Variants in GNPDA2 observed in about 807,000 individuals in gnomAD.
The protein encoded by GNPDA2 is glucosamine-6-phosphate deaminase 2.
GNPDA2 carries 24 observed loss-of-function variants against 27.0 expected under a neutral mutation model. That is an observed-to-expected ratio of 0.89 (90% CI 0.64 to 1.25). GNPDA2 has a LOEUF of 1.25. GNPDA2 is among the 50% of genes most tolerant of loss of function. The probability of loss-of-function intolerance (pLI) is 0.00; values close to 1 mark genes in which losing one functional copy is unlikely to be tolerated. For synonymous variants in GNPDA2, 94 were observed against 108.4 expected (o/e 0.87, Z 0.83); for missense variants, 286 against 335.1 (o/e 0.85, Z 1.14).
intron 1 of GNPDA2, among the ~76,000 whole-genome samples, chr4:44,725,208 T>C (rs1016702923): frequency 1.3e-5 from 2 of 152,198 alleles, no homozygotes; most frequent in African/African-American, 2.4e-5. Flanking sequence ...GGGCTTAGAA[T>C]CACTTGTCTC....
chr4:44,709,551 T>C (rs1185420602), intron 5 of GNPDA2, among the ~76,000 whole-genome samples: 1 of 152,150 alleles, frequency 6.6e-6, no homozygotes, highest in African/African-American at 2.4e-5. Flanking sequence ...CAGGCAGATG[T>C]TGCATTGATA....
chr4:44,710,837 A>G (rs1716927682), intron 5 of GNPDA2, 116 bp downstream of exon 5: 2 of 894,346 alleles, frequency 2.2e-6, no homozygotes, highest in South Asian at 4.5e-5. Context: ...ACTAGAAAAC[A>G]ATTTATACTG....
At chr4:44,715,279 A>G (rs774879708) in intron 4 of GNPDA2, among the ~76,000 whole-genome samples, 4 of 152,182 alleles carry the variant, frequency 2.6e-5, no homozygotes, top group African/African-American at 4.8e-5. Flanking sequence ...AAGTGTTCTT[A>G]TCAGTGTTAT....
Position 44,711,157 on chromosome 4 carries a change from T to C in GNPDA2, c.410-20A>G, listed in dbSNP as rs1352737995. 6 of 1,478,146 alleles carry C rather than the reference T, an allele frequency of 4.1e-6. No homozygotes were observed. Among genetic ancestry groups the C allele is most frequent in the Non-Finnish European group, 5.4e-6 (6 of 1,105,260 alleles). The allele number at this position is 1,478,146 out of a possible 1,614,324, so 91.6% of individuals were successfully genotyped here. A position where few individuals can be genotyped will look rare whatever the true frequency, so the allele number is the denominator to read the frequency against. Reference sequence around the variant, plus strand: ...CAATTCCTTTCAAAAGAAATATACATACATATACACATGAAGTAAATAGGT... The same window carrying C: ...CAATTCCTTTCAAAAGAAATATACACACATATACACATGAAGTAAATAGGT... On this transcript the variant is annotated intron_variant, in intron 4 of 6. Transcript: ENST00000295448.
Position 44,718,412 on chromosome 4 carries a change from TAA to T in GNPDA2, c.125-4_125-3del. ...TATAGCATCCTAAAGGTGTACTCCC[TAA>T]AAGACATAAAAATTCCATTTTCTAA... is the stretch of plus-strand genomic sequence containing the variant. On this transcript the variant is annotated splice_polypyrimidine_tract_variant and splice_region_variant and intron_variant, in intron 2 of 6. Coordinates refer to ENST00000295448, the MANE Select transcript of GNPDA2 (RefSeq NM_138335.3). 9.2e-7 allele frequency: 1 copy of T among 1,087,374 alleles called. No individual in the cohort carries two copies. The highest frequency in any genetic ancestry group is 1.3e-6 in the Non-Finnish European group (1 of 771,056). 67.4% of individuals were successfully genotyped at this position (1,087,374 alleles called of 1,614,324 possible).
At chr4:44,717,044 A>AT in intron 4 of GNPDA2, 69 bp downstream of exon 4, 1 of 1,142,468 alleles carries the variant, frequency 8.8e-7, no homozygotes, top group Non-Finnish European at 1.3e-6. Context: ...GGGAAGATTT[A>AT]TTTTTTAAAT....
chr4:44,725,940 G>A (rs546948479), intron 1 of GNPDA2, among the ~76,000 whole-genome samples: 1 of 150,916 alleles, frequency 6.6e-6, no homozygotes, highest in South Asian at 2.1e-4. Flanking sequence ...AGTTAATGGC[G>A]GGGCCAAGAC....
intron 1 of GNPDA2, among the ~76,000 whole-genome samples, chr4:44,725,766 C>CG: frequency 6.6e-6 from 1 of 151,804 alleles, no homozygotes; most frequent in South Asian, 2.1e-4. Context: ...TCTCTGGCAT[C>CG]ACAAGACAGC....
At chr4:44,705,769 C>A (rs1716562278) in intron 6 of GNPDA2, 1 of 151,904 alleles carries the variant, frequency 6.6e-6, no homozygotes, top group Non-Finnish European at 1.5e-5. Flanking sequence ...TTACCCAGCT[C>A]TGCCCAAATA....
intron 2 of GNPDA2, among the ~76,000 whole-genome samples, chr4:44,720,190 A>G (rs1717579945): frequency 6.6e-6 from 1 of 152,166 alleles, no homozygotes. Flanking sequence ...ATGCTGCGCT[A>G]ATGTTTTTAT....
intron 6 of GNPDA2, chr4:44,707,354 T>G (rs915801623): frequency 2.2e-5 from 5 of 222,364 alleles, no homozygotes; most frequent in African/African-American, 1.1e-4. Context: ...ATCCACTGAT[T>G]AGGTTCTAAA....
intron 6 of GNPDA2, chr4:44,705,706 T>C (rs1415681987): frequency 6.5e-6 from 1 of 153,144 alleles, no homozygotes; most frequent in Admixed American, 6.6e-5. Context: ...GGCAGTATAA[T>C]AGAATAGACA....
intron 5 of GNPDA2, among the ~76,000 whole-genome samples, chr4:44,710,338 T>C (rs1284549205): frequency 6.6e-6 from 1 of 152,168 alleles, no homozygotes; most frequent in Non-Finnish European, 1.5e-5. Flanking sequence ...GGTTTCCATA[T>C]AATTTAACTA....
chr4:44,713,588 A>C (rs1717102289), intron 4 of GNPDA2, among the ~76,000 whole-genome samples: 1 of 152,184 alleles, frequency 6.6e-6, no homozygotes, highest in Non-Finnish European at 1.5e-5. Context: ...ACTTTTTAAA[A>C]ACACTATTAG....
chr4:44,723,920 C>T (rs1367928149), intron 1 of GNPDA2, among the ~76,000 whole-genome samples: 1 of 152,074 alleles, frequency 6.6e-6, no homozygotes, highest in Non-Finnish European at 1.5e-5. Flanking sequence ...GGATTTGGTC[C>T]GTGGCTAATT....
chr4:44,726,039 G>A (rs931052533), intron 1 of GNPDA2, among the ~76,000 whole-genome samples: 1 of 152,176 alleles, frequency 6.6e-6, no homozygotes, highest in Non-Finnish European at 1.5e-5. Context: ...CTGGCCGCGC[G>A]TGTGGGACCG....
intron 6 of GNPDA2, chr4:44,705,200 G>A (rs1240279041): frequency 1.0e-6 from 1 of 980,140 alleles, no homozygotes; most frequent in Non-Finnish European, 1.2e-6. Flanking sequence ...GACAATTATA[G>A]GAATTTACAT....
Position 44,707,809 on chromosome 4 carries a change from C to G in GNPDA2, c.712G>C (p.Val238Leu). ...AFQQHPRTIF[V>L]CDEDATLELR... Reference sequence around the variant, plus strand: ...TCTAAAGTAGCATCTTCATCGCATACAAAAATAGTCCGGGGATGCTGCTGG... The same window carrying G: ...TCTAAAGTAGCATCTTCATCGCATAGAAAAATAGTCCGGGGATGCTGCTGG... The change falls in exon 6 of 7, where the codon GTA becomes CTA. Residue 238 changes from valine to leucine, a missense_variant. Transcript: ENST00000295448. The G allele has an allele frequency of 3.7e-6, 6 of 1,613,330 alleles. No homozygotes were observed. The highest frequency in any genetic ancestry group is 5.1e-6 in the Non-Finnish European group (6 of 1,179,582).
Position 44,722,332 on chromosome 4 carries a change from C to A in GNPDA2, c.-35-90G>T, listed in dbSNP as rs73181483. The A allele has an allele frequency of 7.1e-3, 6,646 of 937,780 alleles. 304 individuals carry two copies. The African/African-American group carries it at 0.1, about 14-fold the overall frequency. The allele number at this position is 937,780 out of a possible 1,614,324, so 58.1% of individuals were successfully genotyped here. A position where few individuals can be genotyped will look rare whatever the true frequency, so the allele number is the denominator to read the frequency against. The stretch of plus-strand genomic sequence containing the variant: ...TAAAAGATGTAAATAATAAATAGAG[C>A]ACTGAAACAGAATATACTGATGATT... On this transcript the variant is annotated intron_variant, in intron 1 of 6. Coordinates refer to ENST00000295448, the MANE Select transcript of GNPDA2 (RefSeq NM_138335.3).
Sources: gnomAD v4.1 joint callset for allele counts (sites outside exome capture counted in the v4.1 genomes callset) on GRCh38, gnomAD v4.1.1 for gene constraint, MANE v1.5 for transcripts, NCBI Gene and HGNC (gene_info 2026-07-23, HGNC 2026-07-21) for gene names.